METTL6: variants seen among roughly 807,000 people sequenced by gnomAD.
METTL6 encodes the protein tRNA N(3)-cytidine methyltransferase METTL6.
METTL6 carries 22 observed loss-of-function variants against 26.4 expected under a neutral mutation model. The ratio of observed to expected loss-of-function variants is 0.83; its 90% CI spans 0.59 to 1.19. The LOEUF is 1.19. Ranked by LOEUF, METTL6 falls within the 50% of genes most tolerant of loss-of-function variation. METTL6 has a pLI of 0.00. For missense variants in METTL6, 304 were observed against 324.8 expected (o/e 0.94, Z 0.49); for synonymous variants, 109 against 116.2 (o/e 0.94, Z 0.40).
At chr3:15,395,567 G>A (rs1231874221) in intron 6 of METTL6, among the ~76,000 whole-genome samples, 30 of 151,822 alleles carry the variant, frequency 2.0e-4, no homozygotes, top group South Asian at 1.7e-3. Context: ...TATTTTGCTT[G>A]TTAGTTGATG....
At chr3:15,397,097 G>A (rs1026437052) in intron 6 of METTL6, among the ~76,000 whole-genome samples, 1 of 152,224 alleles carries the variant, frequency 6.6e-6, no homozygotes, top group Non-Finnish European at 1.5e-5. Flanking sequence ...GTCTACAGAG[G>A]CAGGCAGGCC....
At chr3:15,408,050 T>C (rs1414803531), downstream of METTL6, among the ~76,000 whole-genome samples, 1 of 152,216 alleles carries the variant, frequency 6.6e-6, no homozygotes, top group Non-Finnish European at 1.5e-5. Flanking sequence ...GCCTCAACTT[T>C]TATTTTCCTT....
chr3:15,419,008 A>T (rs1193136449), intron 3 of METTL6, among the ~76,000 whole-genome samples: 2 of 152,134 alleles, frequency 1.3e-5, no homozygotes, highest in Admixed American at 1.3e-4. Context: ...TCTACAAAAA[A>T]TTTTTAAAAA....
chr3:15,402,418 G>A (rs1389508904), intron 6 of METTL6, among the ~76,000 whole-genome samples: 1 of 152,100 alleles, frequency 6.6e-6, no homozygotes, highest in African/African-American at 2.4e-5. Flanking sequence ...CAGCTGGCAG[G>A]TCTGAGTGGC....
At chr3:15,389,849 ATTT>A (rs58728599) in intron 6 of METTL6, among the ~76,000 whole-genome samples, 3 of 132,976 alleles carry the variant, frequency 2.3e-5, no homozygotes, top group African/African-American at 8.6e-5. Flanking sequence ...CGCCCGGCCA[ATTT>A]TTTTTTTTTT....
In METTL6 at chr3:15,411,245, C is replaced by A. The variant is rs1273886665; in HGVS notation, c.*11G>T. On this transcript the variant is annotated 3_prime_UTR_variant, in exon 6 of 6. Transcript: ENST00000383790. ...TTCAAGGGAAGGTATAAATGCCAAC[C>A]TCATGAAAGGTCAGGACTTAGGATC... The A allele has an allele frequency of 6.2e-6, 10 of 1,603,882 alleles. No individual in the cohort carries two copies. The Admixed American group carries it at 1.6e-4, about 25-fold the overall frequency.
rs369332630 is a variant in METTL6 at position 15,389,329 on chromosome 3, C to T, written c.*12-5142G>A. ...AAGTCTGTTTAGGTGTGGTTAATTC[C>T]TTGCTCTTCTTTTCTGCAATAGATG... On this transcript the variant is annotated intron_variant, in intron 6 of 6. Transcript: ENST00000443029. Among the ~76,000 whole-genome samples, 37 of 152,208 alleles carry T rather than the reference C, an allele frequency of 2.4e-4. 3 individuals are homozygous for T. The highest frequency in any genetic ancestry group is 1.2e-3 in the Admixed American group (18 of 15,280).
At chr3:15,386,490 G>A (rs1461276885) in intron 6 of METTL6, among the ~76,000 whole-genome samples, 2 of 152,234 alleles carry the variant, frequency 1.3e-5, no homozygotes, top group Non-Finnish European at 2.9e-5. Flanking sequence ...GGTGACTTGA[G>A]AGATCCAAGT....
intron 3 of METTL6, among the ~76,000 whole-genome samples, chr3:15,420,779 A>G (rs758821022): frequency 6.6e-6 from 1 of 152,196 alleles, no homozygotes; most frequent in Non-Finnish European, 1.5e-5. Flanking sequence ...AATTCATAGG[A>G]AAGACTGTTC....
chr3:15,384,510 G>A, intron 6 of METTL6: 1 of 163,352 alleles, frequency 6.1e-6, no homozygotes, highest in East Asian at 1.9e-4. Context: ...GGGGGCCGAG[G>A]CAGGAGGATC....
At chr3:15,401,536 C>CAAAAAAAAAAAAAAAAAAAAA (rs35578326) in intron 6 of METTL6, among the ~76,000 whole-genome samples, 2 of 71,860 alleles carry the variant, frequency 2.8e-5, no homozygotes, top group Non-Finnish European at 2.7e-5. Flanking sequence ...ATGTTCACGC[C>CAAAAAAAAAAAAAAAAAAAAA]AAAAAAAAAA....
chr3:15,391,720 T>C (rs1304721885), intron 6 of METTL6, among the ~76,000 whole-genome samples: 1 of 142,340 alleles, frequency 7.0e-6, no homozygotes, highest in Non-Finnish European at 1.5e-5. Context: ...CACTGTTCAA[T>C]TCCCACCTAT....
chr3:15,397,721 G>C (rs1277066026), intron 6 of METTL6, among the ~76,000 whole-genome samples: 1 of 152,030 alleles, frequency 6.6e-6, no homozygotes, highest in Non-Finnish European at 1.5e-5. Context: ...CCTTTGTAAA[G>C]CTAATTAGAG....
intron 6 of METTL6, among the ~76,000 whole-genome samples, chr3:15,389,611 G>A (rs984620216): frequency 2.6e-5 from 4 of 151,922 alleles, no homozygotes; most frequent in East Asian, 3.9e-4. Flanking sequence ...GCGCAATGGC[G>A]CAATCTCGGC....
chr3:15,389,833 C>A (rs1029429877), intron 6 of METTL6, among the ~76,000 whole-genome samples: 1 of 150,942 alleles, frequency 6.6e-6, no homozygotes, highest in Non-Finnish European at 1.5e-5. Flanking sequence ...CAGGCATACG[C>A]CACCGCGCCC....
intron 6 of METTL6, among the ~76,000 whole-genome samples, chr3:15,403,305 A>G (rs7653883): frequency 0.13 from 20,369 of 152,130 alleles, 2,591 homozygotes; most frequent in African/African-American, 0.34. Context: ...TTCTAATTAG[A>G]ATTGACCATT....
downstream of METTL6, among the ~76,000 whole-genome samples, chr3:15,406,565 T>A (rs186502295): frequency 6.3e-5 from 7 of 111,226 alleles, no homozygotes; most frequent in Admixed American, 3.2e-4. Context: ...GACCCAGCCA[T>A]GAAAAAAAAA....
rs776936426 is a variant in METTL6, at chr3:15,413,943, A to T, written c.673+78T>A. The T allele has an allele frequency of 1.9e-6, 3 of 1,603,568 alleles. No homozygotes were observed. The East Asian group carries it at 6.8e-5, about 36-fold the overall frequency. The stretch of plus-strand genomic sequence containing the variant: ...CACATGTCGCAAGCCTTCTCCAAGC[A>T]GCCTTGCAGTGATAATGCAATCAAA... On this transcript the variant is annotated intron_variant, in intron 5 of 5. Transcript: ENST00000383790.
At chr3:15,414,227 T>C in intron 4 of METTL6, 65 bp from the exon 5 acceptor site, 1 of 1,548,720 alleles carries the variant, frequency 6.5e-7, no homozygotes, top group East Asian at 2.3e-5. Context: ...CCTGATTAAG[T>C]TAGGACTTAA....
Sources: gnomAD v4.1 joint callset for allele counts (sites outside exome capture counted in the v4.1 genomes callset) on GRCh38, gnomAD v4.1.1 for gene constraint, MANE v1.5 for transcripts, NCBI Gene and HGNC (gene_info 2026-07-23, HGNC 2026-07-21) for gene names.